Variants in C2CD5 observed in about 807,000 individuals in gnomAD.
C2CD5 encodes C2 domain-containing protein 5.
Under a neutral mutation model 130.3 loss-of-function variants are expected in C2CD5, and 109 were observed. The observed-to-expected ratio is 0.84, with a 90% CI of 0.72 to 0.98. The LOEUF is 0.98. Ranked by LOEUF, C2CD5 falls within the 50% of genes least tolerant of loss-of-function variation. The probability of loss-of-function intolerance (pLI) is 0.00; values close to 1 mark genes in which losing one functional copy is unlikely to be tolerated. For missense variants in C2CD5, 996 were observed against 1,261.8 expected, an observed-to-expected ratio of 0.79 and a Z score of 3.19; for synonymous variants, 454 against 429.2, an observed-to-expected ratio of 1.06 and a Z score of -0.71.
chr12:22,533,066 G>A (rs1951461526), intron 3 of C2CD5, among the ~76,000 whole-genome samples: 1 of 152,106 alleles, frequency 6.6e-6, no homozygotes. Context: ...CGCTCTTCTG[G>A]GCGTTGAGGA....
chr12:22,484,777 T>A lies in C2CD5; in HGVS notation c.1470A>T (p.Lys490Asn), dbSNP rs750981036. 7 of 1,609,740 alleles carry A rather than the reference T, an allele frequency of 4.3e-6. No individual in the cohort carries two copies. In the Admixed American group the frequency reaches 1.2e-4, roughly 27 times the overall value. Reference protein sequence around the residue: ...LTYCYNCRKQKVPDVLFTTID... With the variant: ...LTYCYNCRKQNVPDVLFTTID... ...TAGTTGTAAACAGAACATCAGGAAC[T>A]TTTTGTTTCCTGCAGTTATAGCAAT... The change falls in exon 13 of 27, where the codon AAA (lysine) becomes AAT (asparagine). Residue 490 changes from lysine (K) to asparagine (N), a missense_variant. Physicochemically the swap from Lys to Asn is moderately conservative, Grantham distance 94 (BLOSUM62 0). This residue lies in a region of C2CD5 where 590 missense variants were observed against 631.4 expected (regional missense o/e 0.93). Coordinates refer to ENST00000446597, the MANE Select transcript of C2CD5 (RefSeq NM_001286176.2).
At chr12:22,543,350 T>C (rs1952593831) in intron 2 of C2CD5, among the ~76,000 whole-genome samples, 1 of 152,238 alleles carries the variant, frequency 6.6e-6, no homozygotes, top group African/African-American at 2.4e-5. Context: ...GCAATTTAAG[T>C]CCATGGCAAT....
chr12:22,471,176 T>A (rs1490905921), intron 20 of C2CD5, among the ~76,000 whole-genome samples: 2 of 151,992 alleles, frequency 1.3e-5, no homozygotes, highest in African/African-American at 4.8e-5. Flanking sequence ...TGGGTACAGA[T>A]CCTACTGTAT....
chr12:22,466,679 A>C (rs1272388805), intron 22 of C2CD5, among the ~76,000 whole-genome samples: 1 of 152,240 alleles, frequency 6.6e-6, no homozygotes, highest in Non-Finnish European at 1.5e-5. Context: ...TTGAAGCACA[A>C]GACAATAAAT....
chr12:22,519,022 G>T, intron 7 of C2CD5: 1 of 1,077,058 alleles, frequency 9.3e-7, no homozygotes, highest in South Asian at 1.8e-5. Context: ...AAAGATTTAT[G>T]GTACCTGCCT....
chr12:22,472,976 C>A (rs543353758), intron 16 of C2CD5, among the ~76,000 whole-genome samples, 169 bp from the exon 17 acceptor site: 1 of 152,074 alleles, frequency 6.6e-6, no homozygotes, highest in Non-Finnish European at 1.5e-5. Context: ...GTAATAACCA[C>A]AAATACTTCC....
intron 12 of C2CD5, among the ~76,000 whole-genome samples, chr12:22,485,438 A>G (rs552581692): frequency 6.6e-6 from 1 of 152,154 alleles, no homozygotes; most frequent in South Asian, 2.1e-4. Context: ...GTACATTTTC[A>G]TGTACCCTAT....
chr12:22,481,240 T>C (rs984290023), intron 14 of C2CD5, among the ~76,000 whole-genome samples: 4 of 152,192 alleles, frequency 2.6e-5, no homozygotes, highest in Non-Finnish European at 4.4e-5. Context: ...ATTTTTGCTC[T>C]TAAAGAAAGA....
chr12:22,459,530 C>T lies in C2CD5; in HGVS notation c.2546G>A (p.Ser849Asn), dbSNP rs1327198564. 1 of 1,531,060 alleles carries T rather than the reference C, an allele frequency of 6.5e-7. No individual in the cohort carries two copies. The allele number at this position is 1,531,060 out of a possible 1,614,324, so 94.8% of individuals were successfully genotyped here. Residue 849 changes from serine to asparagine, a missense_variant, in exon 23 of 27, where the codon AGT (serine) becomes AAT (asparagine). Ser to Asn is a conservative substitution (Grantham distance 46). Around this residue, in one of 9 missense-constraint regions of C2CD5, gnomAD observed 590 missense variants for 631.4 expected, o/e 0.93. Coordinates refer to ENST00000446597, the MANE Select transcript of C2CD5 (RefSeq NM_001286176.2). ...PFPPAKEHLE[S>N]ASSNSGIPAA... ...TGGTATACCTGAGTTAGAACTTGCA[C>T]TCTCCAGGTGTTCTAATAAGACAAT...
At chr12:22,459,439 C>G in intron 23 of C2CD5, 53 bp downstream of exon 23, 2 of 1,197,714 alleles carry the variant, frequency 1.7e-6, no homozygotes, top group South Asian at 2.6e-5. Flanking sequence ...TATGCACCAC[C>G]AAACTAGAAT....
intron 24 of C2CD5, among the ~76,000 whole-genome samples, chr12:22,457,589 CT>C (rs1396719862): frequency 6.6e-6 from 1 of 151,922 alleles, no homozygotes; most frequent in African/African-American, 2.4e-5. Flanking sequence ...GTAGATAAAC[CT>C]TATGTTATCT....
chr12:22,499,777 C>A (rs1425948477), intron 10 of C2CD5, among the ~76,000 whole-genome samples: 1 of 152,346 alleles, frequency 6.6e-6, no homozygotes, highest in South Asian at 2.1e-4. Flanking sequence ...GCAACACTCA[C>A]CTGCCTGGCA....
chr12:22,505,494 T>C (rs1948412298), intron 10 of C2CD5, among the ~76,000 whole-genome samples: 1 of 152,138 alleles, frequency 6.6e-6, no homozygotes, highest in African/African-American at 2.4e-5. Flanking sequence ...TAGCTGTCAA[T>C]ACAAGCCTCA....
chr12:22,491,403 C>G (rs563206470), intron 11 of C2CD5, among the ~76,000 whole-genome samples: 1 of 152,050 alleles, frequency 6.6e-6, no homozygotes, highest in Non-Finnish European at 1.5e-5. Flanking sequence ...AATTCATATT[C>G]ATCCCCCAAA....
intron 8 of C2CD5, among the ~76,000 whole-genome samples, chr12:22,517,741 G>A (rs1949883758): frequency 6.7e-6 from 1 of 148,718 alleles, no homozygotes; most frequent in African/African-American, 2.5e-5. Context: ...ATGTCTACAT[G>A]CCAAAATAAA....
chr12:22,468,451 C>G (rs1178397368), intron 22 of C2CD5, among the ~76,000 whole-genome samples: 2 of 152,162 alleles, frequency 1.3e-5, no homozygotes, highest in Non-Finnish European at 2.9e-5. Context: ...CTCCTGGATT[C>G]AAGCGATCTT....
chr12:22,527,997 T>C (rs774526800), intron 3 of C2CD5, 105 bp from the exon 4 acceptor site: 2 of 568,306 alleles, frequency 3.5e-6, no homozygotes, highest in Non-Finnish European at 5.6e-6. Flanking sequence ...GCAAATAAAA[T>C]CTTACAGATT....
At chr12:22,481,593 A>C (rs1487950143) in intron 14 of C2CD5, among the ~76,000 whole-genome samples, 2 of 151,846 alleles carry the variant, frequency 1.3e-5, no homozygotes, top group African/African-American at 4.8e-5. Flanking sequence ...AATGAACATT[A>C]AGCTGAGACA....
intron 12 of C2CD5, among the ~76,000 whole-genome samples, chr12:22,487,649 C>A (rs1006230127): frequency 6.6e-6 from 1 of 151,938 alleles, no homozygotes; most frequent in African/African-American, 2.4e-5. Context: ...TGTGGCAATT[C>A]CTCAGGGATC....
Sources: gnomAD v4.1 joint callset for allele counts (sites outside exome capture counted in the v4.1 genomes callset) on GRCh38, gnomAD v4.1.1 for gene constraint, gnomAD v4.1.1 regional missense constraint, MANE v1.5 for transcripts, NCBI Gene and HGNC (gene_info 2026-07-23, HGNC 2026-07-21) for gene names.